DRC9: variants seen among roughly 807,000 people sequenced by gnomAD.
DRC9 encodes the protein dynein regulatory complex subunit 9.
At chr3:197,927,759 A>G in the DRC9 span, among the ~76,000 whole-genome samples, 1 of 152,202 alleles carries the variant, frequency 6.6e-6, no homozygotes, top group African/African-American at 2.4e-5. Context: ...CATATACACC[A>G]TGGAATACTA....
chr3:197,912,400 T>A, the DRC9 span: 1 of 278,866 alleles, frequency 3.6e-6, no homozygotes, highest in Admixed American at 5.1e-5. Context: ...AAGTCATAAT[T>A]TGAAAATTAT....
the DRC9 span, chr3:197,892,624 T>TAA: frequency 3.1e-6 from 5 of 1,588,992 alleles, no homozygotes; most frequent in Non-Finnish European, 4.3e-6. Flanking sequence ...AATTCCTTCC[T>TAA]TACCATCTTT....
At chr3:197,931,520 T>G in the DRC9 span, among the ~76,000 whole-genome samples, 1 of 152,074 alleles carries the variant, frequency 6.6e-6, no homozygotes, top group Non-Finnish European at 1.5e-5. Flanking sequence ...AAAAGAGTTC[T>G]AGACAGAATT....
At chr3:197,949,970 C>G in the DRC9 span, 1 of 473,298 alleles carries the variant, frequency 2.1e-6, no homozygotes, top group South Asian at 1.1e-4. Flanking sequence ...ATTTAGCTGG[C>G]TACCATTTTG....
At chr3:197,932,045 A>T in the DRC9 span, 2 of 995,946 alleles carry the variant, frequency 2.0e-6, no homozygotes, top group East Asian at 5.2e-5. Flanking sequence ...AGAAAACCCA[A>T]ATTCTGACTT....
chr3:197,927,661 G>A, the DRC9 span, among the ~76,000 whole-genome samples: 24 of 152,210 alleles, frequency 1.6e-4, no homozygotes, highest in South Asian at 8.3e-4. Context: ...AGTACTTTCC[G>A]TCTACTATTA....
At chr3:197,908,949 A>C in the DRC9 span, among the ~76,000 whole-genome samples, 6 of 151,414 alleles carry the variant, frequency 4.0e-5, no homozygotes, top group Admixed American at 3.3e-4. Context: ...AACCCTTTCC[A>C]AGGCATCCTC....
chr3:197,910,656 C>G, the DRC9 span, among the ~76,000 whole-genome samples: 8 of 152,240 alleles, frequency 5.3e-5, no homozygotes, highest in African/African-American at 1.9e-4. Context: ...AAAATTTTCT[C>G]TTTATTCATC....
chr3:197,918,464 A>C, the DRC9 span, among the ~76,000 whole-genome samples: 1 of 152,010 alleles, frequency 6.6e-6, no homozygotes, highest in Non-Finnish European at 1.5e-5. Flanking sequence ...TTACTTCTTC[A>C]TCAACTGGAA....
the DRC9 span, among the ~76,000 whole-genome samples, chr3:197,934,181 G>GTTTTTTTTTTTTTT: frequency 2.4e-4 from 20 of 82,632 alleles, no homozygotes; most frequent in South Asian, 9.8e-4. Flanking sequence ...TTCATTCTGG[G>GTTTTTTTTTTTTTT]TCTTTTTTTT....
the DRC9 span, among the ~76,000 whole-genome samples, chr3:197,897,447 T>C: frequency 1.3e-5 from 2 of 152,208 alleles, no homozygotes; most frequent in South Asian, 4.1e-4. Flanking sequence ...AGGCCCAAGA[T>C]AGCTGCTGAT....
the DRC9 span, among the ~76,000 whole-genome samples, chr3:197,900,583 G>T: frequency 1.3e-5 from 2 of 151,298 alleles, no homozygotes; most frequent in Non-Finnish European, 1.5e-5. The surrounding 1 kb of genome is among the most constrained non-coding windows in gnomAD (Gnocchi z 4.7). Context: ...GAGGATACCA[G>T]CTCAGCCACA....
At chr3:197,914,817 C>T in the DRC9 span, among the ~76,000 whole-genome samples, 1 of 152,082 alleles carries the variant, frequency 6.6e-6, no homozygotes, top group Admixed American at 6.6e-5. Context: ...AGGACTCTCT[C>T]GGGAAAGCGA....
chr3:197,897,881 C>G, the DRC9 span, among the ~76,000 whole-genome samples: 8 of 151,532 alleles, frequency 5.3e-5, no homozygotes, highest in Admixed American at 1.3e-4. Context: ...TGCCATTCTC[C>G]TGCCTCAGCC....
At chr3:197,948,356 G>T in the DRC9 span, among the ~76,000 whole-genome samples, 1 of 152,170 alleles carries the variant, frequency 6.6e-6, no homozygotes, top group Non-Finnish European at 1.5e-5. Flanking sequence ...GCCAGATCAG[G>T]CTTCTGGGCA....
At chr3:197,919,128 C>T in the DRC9 span, among the ~76,000 whole-genome samples, 4 of 152,080 alleles carry the variant, frequency 2.6e-5, no homozygotes, top group Admixed American at 1.3e-4. Flanking sequence ...TTTATAAGGA[C>T]GTACAACATT....
the DRC9 span, among the ~76,000 whole-genome samples, chr3:197,947,463 T>C: frequency 5.9e-5 from 9 of 152,172 alleles, no homozygotes; most frequent in Non-Finnish European, 1.0e-4. Context: ...AACTGCACTT[T>C]CCTTGCTCTC....
the DRC9 span, chr3:197,913,962 C>T: frequency 3.7e-6 from 6 of 1,614,106 alleles, no homozygotes; most frequent in Non-Finnish European, 5.1e-6. Context: ...TATTGGTTTT[C>T]ATGTAGCGAT....
At chr3:197,948,370 A>G in the DRC9 span, among the ~76,000 whole-genome samples, 8 of 152,286 alleles carry the variant, frequency 5.3e-5, no homozygotes, top group South Asian at 1.7e-3. Context: ...CTGGGCACTC[A>G]TGCCACTACT....
Sources: allele counts gnomAD v4.1 joint callset (sites outside exome capture counted in the v4.1 genomes callset), GRCh38; gene constraint gnomAD v4.1.1; non-coding constraint Gnocchi (gnomAD v3.1); transcripts MANE v1.5; gene names NCBI Gene and HGNC (gene_info 2026-07-23, HGNC 2026-07-21).